The following GRIA3 variants were observed in gnomAD, a reference collection of about 807,000 sequenced individuals.
GRIA3 encodes the protein glutamate ionotropic receptor AMPA type subunit 3.
GRIA3 carries 3 observed loss-of-function variants against 63.0 expected under a neutral mutation model. That is an observed-to-expected ratio of 0.05 (90% CI 0.02 to 0.12). The LOEUF is 0.12. Among genes scored for constraint, GRIA3 ranks in the 10% least tolerant of loss-of-function variants. The pLI is 1.00. For synonymous variants in GRIA3, 274 were observed against 257.9 expected, an observed-to-expected ratio of 1.06 and a Z score of -0.60; for missense variants, 347 against 700.9, an observed-to-expected ratio of 0.50 and a Z score of 5.70.
intron 12 of GRIA3, among the ~76,000 whole-genome samples, chrX:123,442,818 C>T (rs7882523): frequency 3.0e-5 from 3 of 99,262 alleles, no homozygotes; most frequent in African/African-American, 6.9e-5. Flanking sequence ...GAATATTTGA[C>T]GATTTTCTGC....
In GRIA3 at chrX:123,238,209, A is replaced by G. The variant is rs778726795; in HGVS notation, c.269-15094A>G. ...TCCCAACTCAAAAGTTTAGTAACAC[A>G]TGTTCCCTAAGCACTCCCATCTGAG... On this transcript the variant is annotated intron_variant, in intron 2 of 15. Transcript: ENST00000620443. 6.3e-5 allele frequency among the ~76,000 whole-genome samples: 7 copies of G among 111,605 alleles called. No homozygotes were observed. In the East Asian group the frequency reaches 1.7e-3, roughly 27 times the overall value.
chrX:123,299,532 C>T (rs1334513791), intron 3 of GRIA3, among the ~76,000 whole-genome samples: 2 of 110,986 alleles, frequency 1.8e-5, no homozygotes, highest in Non-Finnish European at 3.8e-5. Context: ...CTAGGCTTGA[C>T]TGTTGTTTGT....
chrX:123,433,354 G>A (rs1452482676), intron 12 of GRIA3, among the ~76,000 whole-genome samples: 3 of 112,132 alleles, frequency 2.7e-5, no homozygotes, highest in Admixed American at 9.5e-5. Flanking sequence ...ATTTGCCAAA[G>A]AGAGAGTTGC....
chrX:123,340,011 A>G (rs1217433423), intron 4 of GRIA3, among the ~76,000 whole-genome samples: 4 of 112,286 alleles, frequency 3.6e-5, no homozygotes, highest in Admixed American at 9.4e-5. Flanking sequence ...ACTGACATAC[A>G]TAATGGCCAC....
chrX:123,239,593 C>T (rs1401675660), intron 2 of GRIA3, among the ~76,000 whole-genome samples: 1 of 111,391 alleles, frequency 9.0e-6, no homozygotes, highest in Non-Finnish European at 1.9e-5. Flanking sequence ...TAAACAATGC[C>T]CTCCTCCCCT....
intron 2 of GRIA3, among the ~76,000 whole-genome samples, chrX:123,230,192 G>A (rs1198822353): frequency 8.9e-6 from 1 of 111,787 alleles, no homozygotes; most frequent in Non-Finnish European, 1.9e-5. Context: ...TCACGAAGTG[G>A]AGGAGGCCAA....
At chrX:123,189,552 G>C (rs2147246566) in intron 2 of GRIA3, among the ~76,000 whole-genome samples, 1 of 112,549 alleles carries the variant, frequency 8.9e-6, no homozygotes, top group Non-Finnish European at 1.9e-5. Flanking sequence ...TTAGCACACA[G>C]ATCTCATATT....
chrX:123,449,674 T>C (rs73541984), intron 12 of GRIA3, among the ~76,000 whole-genome samples: 4,146 of 111,781 alleles, frequency 0.037, 188 homozygotes, highest in African/African-American at 0.13. Flanking sequence ...ACCCAACTGT[T>C]CAAAATCGAG....
At chrX:123,407,581 T>C (rs1250478440) in intron 10 of GRIA3, among the ~76,000 whole-genome samples, 1 of 107,181 alleles carries the variant, frequency 9.3e-6, no homozygotes, top group African/African-American at 3.4e-5. Flanking sequence ...ATAAGGACAC[T>C]ATAAGTTCCA....
In GRIA3 at chrX:123,253,337, C is replaced by T. The variant is rs1469696188; in HGVS notation, c.303C>T (p.Ile101=). The T allele has an allele frequency of 9.1e-6, 11 of 1,206,990 alleles. No homozygotes were observed. The highest frequency in any genetic ancestry group is 1.2e-5 in the Non-Finnish European group (11 of 892,423). The change falls in exon 3 of 16, where the codon ATC becomes ATT. Residue 101 remains isoleucine (I), a synonymous_variant. Coordinates refer to ENST00000620443, the MANE Select transcript of GRIA3 (RefSeq NM_007325.5). ...CSQFSRGVYA[I]FGFYDQMSMN... Reference sequence around the variant, plus strand: ...AGTTCTCGAGAGGGGTGTATGCCATCTTTGGATTCTATGACCAGATGTCAA... The same window carrying T: ...AGTTCTCGAGAGGGGTGTATGCCATTTTTGGATTCTATGACCAGATGTCAA...
rs1927188001 is a variant in GRIA3, at chrX:123,184,443, T to A, written c.-93T>A. The stretch of plus-strand genomic sequence containing the variant: ...GAGAGCAAGTTAAGGGGAGGGGGTG[T>A]AAGAGCCAGCGAATTCTTTTTCTTT... On this transcript the variant is annotated 5_prime_UTR_variant, in exon 1 of 16. Coordinates refer to ENST00000620443, the MANE Select transcript of GRIA3 (RefSeq NM_007325.5). 1.4e-6 allele frequency: 1 copy of A among 695,238 alleles called. No individual in the cohort carries two copies. 57.3% of individuals were successfully genotyped at this position (695,238 alleles called of 1,213,427 possible).
At chrX:123,455,685 TAATTTAC>T (rs1388493194) in intron 12 of GRIA3, among the ~76,000 whole-genome samples, 1 of 112,087 alleles carries the variant, frequency 8.9e-6, no homozygotes, top group Non-Finnish European at 1.9e-5. Flanking sequence ...GATTTGGAGT[TAATTTAC>T]AATTTACCCC....
At chrX:123,439,625 T>C (rs2045662758) in intron 12 of GRIA3, among the ~76,000 whole-genome samples, 1 of 110,487 alleles carries the variant, frequency 9.1e-6, no homozygotes, top group Non-Finnish European at 1.9e-5. Context: ...AAAACTTACA[T>C]ATCCTGTCAT....
At chrX:123,454,496 T>C (rs780308523) in intron 12 of GRIA3, among the ~76,000 whole-genome samples, 1 of 111,518 alleles carries the variant, frequency 9.0e-6, no homozygotes, top group African/African-American at 3.3e-5. Context: ...AAAGTCCATA[T>C]AGCAGAGTTT....
At chrX:123,246,415 T>C (rs935276821) in intron 2 of GRIA3, among the ~76,000 whole-genome samples, 16 of 111,571 alleles carry the variant, frequency 1.4e-4, no homozygotes, top group African/African-American at 5.2e-4. Flanking sequence ...TTTTCTTGTC[T>C]TTTTCAACTT....
Position 123,354,971 on chromosome X carries a change from C to G in GRIA3, c.750+8C>G. ...TACATGCTCGCTAACCTGGTAAGAACAAGCAAGTGTCCCTGGGCAATATAT... is the reference window on the plus strand; with the variant it reads ...TACATGCTCGCTAACCTGGTAAGAAGAAGCAAGTGTCCCTGGGCAATATAT... On this transcript the variant is annotated splice_region_variant and intron_variant, in intron 5 of 15. Transcript: ENST00000620443. The G allele has an allele frequency of 8.6e-7, 1 of 1,162,989 alleles. No individual in the cohort carries two copies. Among genetic ancestry groups the G allele is most frequent in the Non-Finnish European group, 1.2e-6 (1 of 850,997 alleles).
chrX:123,485,455 C>T (rs2045935491), intron 15 of GRIA3, among the ~76,000 whole-genome samples: 1 of 111,509 alleles, frequency 9.0e-6, no homozygotes, highest in Non-Finnish European at 1.9e-5. Flanking sequence ...CTGCCTATAG[C>T]CATATCTTTG....
chrX:123,228,952 C>G (rs1372373450), intron 2 of GRIA3, among the ~76,000 whole-genome samples: 1 of 111,888 alleles, frequency 8.9e-6, no homozygotes, highest in Non-Finnish European at 1.9e-5. Flanking sequence ...AATGGGGCCA[C>G]GCTTTATTGA....
At chrX:123,409,884 A>C (rs2045496112) in intron 10 of GRIA3, among the ~76,000 whole-genome samples, 3 of 111,002 alleles carry the variant, frequency 2.7e-5, no homozygotes, top group Non-Finnish European at 5.7e-5. Context: ...TTGGCAACAC[A>C]GGTTTTGTGA....
Sources: allele counts gnomAD v4.1 joint callset (sites outside exome capture counted in the v4.1 genomes callset), GRCh38; gene constraint gnomAD v4.1.1; transcripts MANE v1.5; gene names NCBI Gene and HGNC (gene_info 2026-07-23, HGNC 2026-07-21).